Variants in PTCHD1 observed in about 807,000 individuals in gnomAD.
PTCHD1 encodes patched domain-containing protein 1.
A neutral mutation model predicts 34.6 loss-of-function variants in PTCHD1; 3 were observed. That is an observed-to-expected ratio of 0.09 (90% CI 0.04 to 0.22). PTCHD1 has a LOEUF of 0.22. Ranked by LOEUF, PTCHD1 falls within the 10% of genes least tolerant of loss-of-function variation. The pLI is 1.00. For synonymous variants in PTCHD1, 305 were observed against 283.1 expected (o/e 1.08, Z -0.77); for missense variants, 504 against 685.5 (o/e 0.74, Z 2.96).
intron 1 of PTCHD1, among the ~76,000 whole-genome samples, chrX:23,373,962 C>A (rs1922336516): frequency 9.0e-6 from 1 of 111,502 alleles, no homozygotes; most frequent in African/African-American, 3.3e-5. Flanking sequence ...GTTAAGAAGT[C>A]AAATCATAAT....
rs1491201668 is a variant in PTCHD1 at position 23,394,451 on chromosome X, C to CACA, written c.*266_*267insACA. On this transcript the variant is annotated 3_prime_UTR_variant, in exon 3 of 3. Coordinates refer to ENST00000379361, the MANE Select transcript of PTCHD1 (RefSeq NM_173495.3). ...ACACACACACACACACACACACACA[C>CACA]CCTGGGAGACCTATAGTCTCTTAAA... is the stretch of plus-strand genomic sequence containing the variant. The CACA allele has an allele frequency of 8.4e-5, 25 of 297,096 alleles. No individual in the cohort carries two copies. The highest frequency in any genetic ancestry group is 2.5e-4 in the South Asian group (3 of 12,168). 24.5% of individuals were successfully genotyped at this position (297,096 alleles called of 1,213,427 possible).
intron 1 of PTCHD1, among the ~76,000 whole-genome samples, chrX:23,366,637 C>T (rs967947026): frequency 9.0e-6 from 1 of 111,279 alleles, no homozygotes; most frequent in Admixed American, 9.6e-5. Context: ...TTGATGACTG[C>T]AAGGCCAGTG....
rs768048280 is a variant in PTCHD1 at position 23,369,074 on chromosome X, G to A, written c.352-10517G>A. On this transcript the variant is annotated intron_variant, in intron 1 of 2. Coordinates refer to ENST00000379361, the MANE Select transcript of PTCHD1 (RefSeq NM_173495.3). ...AGCAAAAATACTCCGTCTCAAAAAA[G>A]AAAAAAAAGACACATACATGATGCA... 5.4e-5 allele frequency among the ~76,000 whole-genome samples: 6 copies of A among 110,709 alleles called. No homozygotes were observed. The East Asian group carries it at 1.7e-3, about 31-fold the overall frequency.
chrX:23,392,933 G>A lies in PTCHD1; in HGVS notation c.1415G>A (p.Gly472Asp). 4 of 1,212,234 alleles carry A rather than the reference G, an allele frequency of 3.3e-6. No individual in the cohort carries two copies. The highest frequency in any genetic ancestry group is 3.3e-6 in the Non-Finnish European group (3 of 895,627). ...AGATTCAGTGAGGACACAGCTGAAG[G>A]CGAGGAAGCGAACACTTACGAGAGT... ...TARFSEDTAE[G>D]EEANTYESHL... is the part of the protein sequence containing the mutation. The change falls in exon 3 of 3, where the codon GGC becomes GAC. Residue 472 changes from glycine to aspartate, a missense_variant. Physicochemically the swap from Gly to Asp is moderately conservative, Grantham distance 94 (BLOSUM62 -1). Coordinates refer to ENST00000379361, the MANE Select transcript of PTCHD1 (RefSeq NM_173495.3).
chrX:23,335,652 C>T (rs1482574181), intron 1 of PTCHD1, among the ~76,000 whole-genome samples: 4 of 112,141 alleles, frequency 3.6e-5, no homozygotes, highest in Non-Finnish European at 7.5e-5. Context: ...CGAGATACCC[C>T]TCCCTGTCCT....
At chrX:23,377,332 ACT>A (rs1355184033) in intron 1 of PTCHD1, among the ~76,000 whole-genome samples, 1 of 110,939 alleles carries the variant, frequency 9.0e-6, no homozygotes, top group Non-Finnish European at 1.9e-5. Flanking sequence ...GCTTATCAAA[ACT>A]CTCTCTTGTC....
At position 23,381,775 on chromosome X, in the gene PTCHD1, G is replaced by A. The variant is rs189474357; in HGVS notation, c.1012+1524G>A. Among the ~76,000 whole-genome samples the A allele has an allele frequency of 4.5e-5, 5 of 111,951 alleles. No homozygotes were observed. In the East Asian group the frequency reaches 1.1e-3, roughly 25 times the overall value. ...GAAAACAACAGAGAAGAAGGCTGCCGTACCTCCTCCTGAATTCGGTCTATT... is the reference window on the plus strand; with the variant it reads ...GAAAACAACAGAGAAGAAGGCTGCCATACCTCCTCCTGAATTCGGTCTATT... On this transcript the variant is annotated intron_variant, in intron 2 of 2. Coordinates refer to ENST00000379361, the MANE Select transcript of PTCHD1 (RefSeq NM_173495.3).
At chrX:23,366,799 G>T (rs1922151848) in intron 1 of PTCHD1, among the ~76,000 whole-genome samples, 1 of 111,258 alleles carries the variant, frequency 9.0e-6, no homozygotes, top group Non-Finnish European at 1.9e-5. Flanking sequence ...CTTCAGGTAA[G>T]ATTTACTAAT....
intron 1 of PTCHD1, among the ~76,000 whole-genome samples, chrX:23,363,886 G>C (rs1232749251): frequency 8.9e-6 from 1 of 112,267 alleles, no homozygotes; most frequent in Non-Finnish European, 1.9e-5. Context: ...GTCTACCAAA[G>C]GCTATGTAAA....
chrX:23,390,344 A>C (rs1345569598), intron 2 of PTCHD1, among the ~76,000 whole-genome samples: 5 of 109,567 alleles, frequency 4.6e-5, no homozygotes, highest in Non-Finnish European at 9.5e-5. Context: ...AAAAAAAAAA[A>C]ACAAAAAAAA....
intron 1 of PTCHD1, among the ~76,000 whole-genome samples, chrX:23,376,042 C>T (rs186805361): frequency 1.8e-5 from 2 of 111,792 alleles, no homozygotes; most frequent in East Asian, 2.8e-4. Flanking sequence ...AAGCACTTGG[C>T]GTTGTTTACT....
intron 1 of PTCHD1, among the ~76,000 whole-genome samples, chrX:23,363,788 T>A (rs12008988): frequency 0.063 from 7,063 of 112,415 alleles, 372 homozygotes; most frequent in African/African-American, 0.17. Flanking sequence ...CATCTTGGAA[T>A]GGAAGTCAAG....
At chrX:23,339,546 G>T (rs1346570410) in intron 1 of PTCHD1, among the ~76,000 whole-genome samples, 2 of 112,396 alleles carry the variant, frequency 1.8e-5, no homozygotes, top group Non-Finnish European at 3.8e-5. Flanking sequence ...TGCAAACAAG[G>T]TTAATAAAAT....
At position 23,393,946 on chromosome X, in the gene PTCHD1, A is replaced by C; in HGVS notation, c.2428A>C (p.Ile810Leu). 8.3e-7 allele frequency: 1 copy of C among 1,210,491 alleles called. No individual in the cohort carries two copies. The highest frequency in any genetic ancestry group is 1.7e-5 in the African/African-American group (1 of 57,593). Residue 810 changes from isoleucine (I) to leucine (L), a missense_variant, in exon 3 of 3, where the codon ATT becomes CTT. Ile to Leu is a conservative substitution (Grantham distance 5). Coordinates refer to ENST00000379361, the MANE Select transcript of PTCHD1 (RefSeq NM_173495.3). ...QSYLCYIVGL[I>L]PLAAVPSNLT... ...TTACCTCTGCTATATTGTTGGTCTGATTCCTCTTGCAGCTGTGCCTTCAAA... is the reference window on the plus strand; with the variant it reads ...TTACCTCTGCTATATTGTTGGTCTGCTTCCTCTTGCAGCTGTGCCTTCAAA...
intron 2 of PTCHD1, among the ~76,000 whole-genome samples, chrX:23,386,178 T>A (rs1922683374): frequency 8.9e-6 from 1 of 111,817 alleles, no homozygotes; most frequent in Admixed American, 9.5e-5. Context: ...ATGGGCCACA[T>A]TTATACTTAT....
chrX:23,363,164 G>T (rs921051432), intron 1 of PTCHD1, among the ~76,000 whole-genome samples: 2 of 112,489 alleles, frequency 1.8e-5, no homozygotes, highest in African/African-American at 6.5e-5. Context: ...TGTGCTGGGA[G>T]AACCACTGCT....
Position 23,334,895 on chromosome X carries a change from A to T in PTCHD1, c.20A>T (p.His7Leu), listed in dbSNP as rs1921120061. 8.3e-7 allele frequency: 1 copy of T among 1,199,190 alleles called. No individual in the cohort carries two copies. Among genetic ancestry groups the T allele is most frequent in the African/African-American group, 1.7e-5 (1 of 57,352 alleles). The change falls in exon 1 of 3, where the codon CAC becomes CTC. Residue 7 changes from histidine (H) to leucine (L), a missense_variant. His to Leu is a moderately conservative substitution (Grantham distance 99). Transcript: ENST00000379361. The stretch of plus-strand genomic sequence containing the variant: ...TCTAGGATGCTGCGGCAGGTTCTGC[A>T]CAGGGGCTTGAGGACGTGTTTCTCC... MLRQVLHRGLRTCFSRL... is the reference protein window; with the variant it reads MLRQVLLRGLRTCFSRL...
At chrX:23,353,384 C>T (rs752367330) in intron 1 of PTCHD1, among the ~76,000 whole-genome samples, 7 of 112,160 alleles carry the variant, frequency 6.2e-5, no homozygotes, top group Non-Finnish European at 1.3e-4. Flanking sequence ...GTTGGGAGTT[C>T]GAGACCAGCC....
At chrX:23,343,558 A>G (rs1371500161) in intron 1 of PTCHD1, among the ~76,000 whole-genome samples, 2 of 112,547 alleles carry the variant, frequency 1.8e-5, no homozygotes, top group African/African-American at 3.2e-5. Flanking sequence ...TTTCCTGACC[A>G]TAGCACCAGT....
Sources: gnomAD v4.1 joint callset for allele counts (sites outside exome capture counted in the v4.1 genomes callset) on GRCh38, gnomAD v4.1.1 for gene constraint, MANE v1.5 for transcripts, NCBI Gene and HGNC (gene_info 2026-07-23, HGNC 2026-07-21) for gene names.